The following DPF3 variants were observed in gnomAD, a reference collection of about 807,000 sequenced individuals.
DPF3 encodes the protein zinc finger protein DPF3.
In DPF3, 18 loss-of-function variants were observed where a neutral mutation model predicts 56.8. The observed-to-expected ratio is 0.32, with a 90% CI of 0.22 to 0.47. The LOEUF (loss-of-function observed/expected upper bound fraction) is 0.47. Among genes scored for constraint, DPF3 ranks in the 20% least tolerant of loss-of-function variants. DPF3 has a pLI of 1.00. For missense variants in DPF3, 403 were observed against 488.8 expected (o/e 0.82, Z 1.65); for synonymous variants, 188 against 180.2 (o/e 1.04, Z -0.35).
At chr14:72,751,038 A>G (rs1252502141) in intron 3 of DPF3, among the ~76,000 whole-genome samples, 3 of 151,994 alleles carry the variant, frequency 2.0e-5, no homozygotes, top group Non-Finnish European at 2.9e-5. Flanking sequence ...AGAAAAGACA[A>G]AATTAGCCAG....
intron 8 of DPF3, among the ~76,000 whole-genome samples, chr14:72,638,312 T>G (rs1310040877): frequency 6.6e-6 from 1 of 152,192 alleles, no homozygotes; most frequent in East Asian, 1.9e-4. Context: ...CAATTTTAGA[T>G]GCCAAGCCTT....
chr14:72,758,549 C>G (rs954890325), intron 2 of DPF3, among the ~76,000 whole-genome samples: 4 of 152,248 alleles, frequency 2.6e-5, no homozygotes, highest in Admixed American at 1.3e-4. Context: ...TTCAGCTTAG[C>G]GTTGATCCAT....
rs542019282 is a variant in DPF3, at chr14:72,719,519, A to C, written c.525+4114T>G. Among the ~76,000 whole-genome samples the C allele has an allele frequency of 1.6e-3, 246 of 152,322 alleles. 2 individuals carry two copies. The highest frequency in any genetic ancestry group is 5.7e-3 in the African/African-American group (237 of 41,576). On this transcript the variant is annotated intron_variant, in intron 5 of 10. Coordinates refer to ENST00000556509, the MANE Select transcript of DPF3 (RefSeq NM_001280542.3). ...CCTCAGGTGCTCCATATGCACATAA[A>C]GTTTGAGAGGCACCTGAACACCACA...
rs1599391957 is a variant in DPF3 at position 72,731,629 on chromosome 14, G to C, written c.429+178C>G. On this transcript the variant is annotated intron_variant, in intron 4 of 10. Transcript: ENST00000556509. ...GGTGAAGGCAATAATGACTCCTTCG[G>C]AAGATAGGTTAAGTCAGAAAAGAAT... 10 of 798,614 alleles carry C rather than the reference G, an allele frequency of 1.3e-5. No homozygotes were observed. The South Asian group carries it at 1.8e-4, about 15-fold the overall frequency. 49.5% of individuals were successfully genotyped at this position (798,614 alleles called of 1,614,324 possible).
rs562562109 is a variant in DPF3, at chr14:72,852,254, G to A, written c.32+41803C>T. 9.2e-5 allele frequency among the ~76,000 whole-genome samples: 14 copies of A among 152,174 alleles called. No individual in the cohort carries two copies. The South Asian group carries it at 2.5e-3, about 27-fold the overall frequency. On this transcript the variant is annotated intron_variant, in intron 1 of 10. Transcript: ENST00000556509. ...ACTGCCCCATCCCCTAGGAGACCAC[G>A]GAGTGAAAAAAGTTGGAGGCCTAAG...
chr14:72,661,651 G>A (rs914423979), intron 8 of DPF3: 1 of 985,324 alleles, frequency 1.0e-6, no homozygotes, highest in African/African-American at 1.7e-5. Context: ...GGCCATGTTA[G>A]AACACCCGCC....
chr14:72,824,672 A>G (rs1883711244), intron 1 of DPF3, among the ~76,000 whole-genome samples: 2 of 151,276 alleles, frequency 1.3e-5, no homozygotes, highest in Admixed American at 1.3e-4. Context: ...GGTTCAGTTC[A>G]AGCCCTGCTC....
At chr14:72,756,869 A>AAAGAAAGAAAGG (rs1555503988) in intron 2 of DPF3, among the ~76,000 whole-genome samples, 2,373 of 95,360 alleles carry the variant, frequency 0.025, 48 homozygotes, top group East Asian at 0.04. Flanking sequence ...AGAAAGAAAG[A>AAAGAAAGAAAGG]AAGGAAGGAA....
At chr14:72,682,901 A>C (rs369598633) in intron 7 of DPF3, among the ~76,000 whole-genome samples, 31 of 152,248 alleles carry the variant, frequency 2.0e-4, no homozygotes, top group African/African-American at 7.5e-4. Flanking sequence ...AGTACAACCT[A>C]ACTCCTGGCC....
chr14:72,862,390 G>T (rs1456010678), intron 1 of DPF3, among the ~76,000 whole-genome samples: 1 of 152,072 alleles, frequency 6.6e-6, no homozygotes, highest in African/African-American at 2.4e-5. Flanking sequence ...TGCCTCTCTT[G>T]TTGTCACATC....
chr14:72,723,236 A>G (rs142321692), intron 5 of DPF3, among the ~76,000 whole-genome samples: 1 of 150,156 alleles, frequency 6.7e-6, no homozygotes, highest in African/African-American at 2.5e-5. Context: ...CCTTCCTGTG[A>G]CCATGTACCC....
intron 1 of DPF3, among the ~76,000 whole-genome samples, chr14:72,795,242 T>G (rs1303645778): frequency 1.4e-5 from 2 of 144,434 alleles, no homozygotes; most frequent in East Asian, 4.0e-4. Context: ...AGTTATGTCC[T>G]AAGCCCAGGA....
At chr14:72,878,418 T>G (rs115187834) in intron 1 of DPF3, among the ~76,000 whole-genome samples, 1 of 152,192 alleles carries the variant, frequency 6.6e-6, no homozygotes, top group African/African-American at 2.4e-5. Context: ...GCATTGATAC[T>G]GTGAAAGTAT....
At chr14:72,893,132 G>A in intron 1 of DPF3, among the ~76,000 whole-genome samples, 1 of 152,192 alleles carries the variant, frequency 6.6e-6, no homozygotes, top group East Asian at 1.9e-4. Flanking sequence ...ATCTGGGCAA[G>A]CGCTCAAAGT....
chr14:72,708,925 G>A (rs772629674), intron 6 of DPF3, among the ~76,000 whole-genome samples: 6 of 152,144 alleles, frequency 3.9e-5, no homozygotes, highest in African/African-American at 9.7e-5. Context: ...AGGGCAGTCC[G>A]GAGGCCCAAA....
chr14:72,730,368 G>T (rs754328845), intron 4 of DPF3, among the ~76,000 whole-genome samples: 1 of 152,162 alleles, frequency 6.6e-6, no homozygotes, highest in Non-Finnish European at 1.5e-5. Context: ...GCTGCAGCTC[G>T]TGGAAAAGAG....
chr14:72,671,299 G>A (rs199970125), intron 8 of DPF3: 24 of 1,613,970 alleles, frequency 1.5e-5, no homozygotes, highest in South Asian at 3.3e-5. Context: ...TGCTGCGGCC[G>A]CTGCCTCCTT....
chr14:72,771,928 G>A (rs1334701578), intron 1 of DPF3, 35 bp from the exon 2 acceptor site: 4 of 1,486,460 alleles, frequency 2.7e-6, no homozygotes, highest in Non-Finnish European at 3.6e-6. Flanking sequence ...GTGAGGCCAG[G>A]GAAGACTGAA....
chr14:72,714,116 A>G (rs1269433135), intron 6 of DPF3, among the ~76,000 whole-genome samples: 1 of 152,172 alleles, frequency 6.6e-6, no homozygotes, highest in Non-Finnish European at 1.5e-5. Context: ...CTTAAAGGAG[A>G]CAGAGCGCGT....
Sources: gnomAD v4.1 joint callset for allele counts (sites outside exome capture counted in the v4.1 genomes callset) on GRCh38, gnomAD v4.1.1 for gene constraint, MANE v1.5 for transcripts, NCBI Gene and HGNC (gene_info 2026-07-23, HGNC 2026-07-21) for gene names.